TRAPPC8: variants seen among roughly 807,000 people sequenced by gnomAD.
TRAPPC8 encodes trafficking protein particle complex subunit 8, also known as general sporulation gene 1 homolog.
Under a neutral mutation model 174.3 loss-of-function variants are expected in TRAPPC8, and 54 were observed. The ratio of observed to expected loss-of-function variants is 0.31; its 90% CI spans 0.25 to 0.39. TRAPPC8 has a LOEUF of 0.39. Ranked by LOEUF, TRAPPC8 falls within the 10% of genes least tolerant of loss-of-function variation. The pLI is 1.00. For synonymous variants in TRAPPC8, 630 were observed against 579.9 expected, an observed-to-expected ratio of 1.09 and a Z score of -1.24; for missense variants, 1,531 against 1,699.1, an observed-to-expected ratio of 0.90 and a Z score of 1.74.
chr18:31,858,673 A>G (rs1322684359), intron 19 of TRAPPC8, among the ~76,000 whole-genome samples: 1 of 152,248 alleles, frequency 6.6e-6, no homozygotes, highest in Non-Finnish European at 1.5e-5. Context: ...AAAATTTTTA[A>G]ATTGATTTCC....
chr18:31,840,912 A>C (rs895526573), intron 26 of TRAPPC8, among the ~76,000 whole-genome samples: 7 of 142,158 alleles, frequency 4.9e-5, no homozygotes, highest in Non-Finnish European at 7.7e-5. Flanking sequence ...GGCTACTGGT[A>C]AAAAAAAAAA....
At chr18:31,934,343 T>C (rs1346318578) in intron 1 of TRAPPC8, among the ~76,000 whole-genome samples, 1 of 151,992 alleles carries the variant, frequency 6.6e-6, no homozygotes, top group Non-Finnish European at 1.5e-5. Context: ...AAAGCAAATA[T>C]GATGGAGGGT....
intron 26 of TRAPPC8, among the ~76,000 whole-genome samples, chr18:31,845,569 G>A (rs572606665): frequency 6.6e-6 from 1 of 151,826 alleles, no homozygotes; most frequent in Admixed American, 6.6e-5. Flanking sequence ...TTACTTGGGA[G>A]TAATTAAGAA....
At chr18:31,846,841 C>T (rs773621366) in intron 25 of TRAPPC8, 24 bp from the exon 26 acceptor site, 6 of 1,577,252 alleles carry the variant, frequency 3.8e-6, no homozygotes, top group Admixed American at 1.7e-5. Flanking sequence ...AGTACAAAAA[C>T]GTTACCGTGC....
intron 2 of TRAPPC8, among the ~76,000 whole-genome samples, chr18:31,922,854 C>CA (rs929652754): frequency 1.6e-4 from 24 of 152,008 alleles, no homozygotes; most frequent in African/African-American, 5.8e-4. Context: ...CTCATCTCTA[C>CA]AAAAAATGCA....
At chr18:31,920,131 A>G (rs1463828366) in intron 2 of TRAPPC8, among the ~76,000 whole-genome samples, 2 of 152,224 alleles carry the variant, frequency 1.3e-5, no homozygotes, top group Non-Finnish European at 2.9e-5. Context: ...CTCCACATAT[A>G]CAAGGAAATT....
intron 1 of TRAPPC8, 151 bp downstream of exon 1, chr18:31,942,457 C>T (rs1275159915): frequency 9.5e-7 from 1 of 1,051,522 alleles, no homozygotes; most frequent in Non-Finnish European, 1.3e-6. Flanking sequence ...CCTCCAGCCG[C>T]CCCCGGAGCA....
At position 31,908,755 on chromosome 18, in the gene TRAPPC8, T is replaced by C. The variant is rs745322989; in HGVS notation, c.1121A>G (p.Gln374Arg). Reference protein sequence around the residue: ...IEKTIRQLNDQLISRKGLSRS... With the variant: ...IEKTIRQLNDRLISRKGLSRS... ...CTAATCCAAAAAATCAAACCTTACC[T>C]GATCGTTTAATTGCCTAATTGTTTT... The change falls in exon 7 of 29, where the codon CAG becomes CGG. Residue 374 changes from glutamine (Q) to arginine (R), a missense_variant and splice_region_variant. By Grantham distance (43) the Gln-to-Arg change is conservative. Transcript: ENST00000283351. 2 of 1,587,674 alleles carry C rather than the reference T, an allele frequency of 1.3e-6. No individual in the cohort carries two copies. Among genetic ancestry groups the C allele is most frequent in the East Asian group, 4.5e-5 (2 of 44,290 alleles).
chr18:31,873,746 C>A, intron 13 of TRAPPC8: 1 of 437,714 alleles, frequency 2.3e-6, no homozygotes, highest in Non-Finnish European at 4.1e-6. Flanking sequence ...AAGAATCTTA[C>A]TGAGGTTACT....
chr18:31,937,014 C>G (rs1485167402), intron 1 of TRAPPC8, among the ~76,000 whole-genome samples: 1 of 151,242 alleles, frequency 6.6e-6, no homozygotes, highest in Non-Finnish European at 1.5e-5. Context: ...AGATCAAGAC[C>G]ATCCTGGCTA....
chr18:31,873,634 G>T, intron 13 of TRAPPC8, 96 bp from the exon 14 acceptor site: 3 of 789,442 alleles, frequency 3.8e-6, no homozygotes, highest in Non-Finnish European at 6.1e-6. Context: ...TTAAAAATAT[G>T]TTAAGCAAGA....
intron 20 of TRAPPC8, 26 bp from the exon 21 acceptor site, chr18:31,855,833 C>G (rs754010415): frequency 6.1e-6 from 8 of 1,305,862 alleles, no homozygotes; most frequent in African/African-American, 1.9e-5. Flanking sequence ...AAAAAAAAAG[C>G]ACATTTAAGC....
In TRAPPC8 at chr18:31,942,817, T is replaced by C; in HGVS notation, c.-53A>G. ...CGCCCTCCGGCCCACCCTGCGAGGT[T>C]ATCCTGCGGCTGCAGCAGCTACCGC... On this transcript the variant is annotated 5_prime_UTR_variant, in exon 1 of 29. The change creates a new upstream start codon in the 5' untranslated region. Transcript: ENST00000283351. 1.5e-6 allele frequency: 2 copies of C among 1,293,478 alleles called. No homozygotes were observed. The highest frequency in any genetic ancestry group is 2.0e-6 in the Non-Finnish European group (2 of 1,016,162). 80.1% of individuals were successfully genotyped at this position (1,293,478 alleles called of 1,614,324 possible). A position where few individuals can be genotyped will look rare whatever the true frequency, so the allele number is the denominator to read the frequency against.
At chr18:31,925,911 C>T (rs1376473424) in intron 2 of TRAPPC8, among the ~76,000 whole-genome samples, 2 of 152,100 alleles carry the variant, frequency 1.3e-5, no homozygotes, top group Middle Eastern at 3.2e-3. Context: ...AACATTCATT[C>T]CTCAAAAATT....
At chr18:31,880,090 A>AAAAAAAAAATAT (rs1259899654) in intron 12 of TRAPPC8, among the ~76,000 whole-genome samples, 24 of 85,352 alleles carry the variant, frequency 2.8e-4, no homozygotes, top group African/African-American at 1.2e-3. Context: ...TGAAAAAAAA[A>AAAAAAAAAATAT]ATATATATAT....
At position 31,874,658 on chromosome 18, in the gene TRAPPC8, T is replaced by C; in HGVS notation, c.1775A>G (p.Lys592Arg). ...CTCTGCAAGAGACCAGCCTTTTCCT[T>C]TGTAAACTTGCATGGCTTGACAATA... ...RCYCQAMQVY[K>R]GKGWSLAEDH... The change falls in exon 13 of 29, where the codon AAA (lysine) becomes AGA (arginine). Residue 592 changes from lysine (K) to arginine (R), a missense_variant. Transcript: ENST00000283351. The C allele has an allele frequency of 6.2e-7, 1 of 1,614,086 alleles. No individual in the cohort carries two copies. Among genetic ancestry groups the C allele is most frequent in the Non-Finnish European group, 8.5e-7 (1 of 1,180,000 alleles).
intron 4 of TRAPPC8, among the ~76,000 whole-genome samples, chr18:31,915,958 G>C (rs1320213768): frequency 6.7e-6 from 1 of 149,642 alleles, no homozygotes; most frequent in East Asian, 2.0e-4. Flanking sequence ...TCAGGAGGCT[G>C]AGGCAGGAGA....
intron 27 of TRAPPC8, among the ~76,000 whole-genome samples, chr18:31,832,881 AAGAT>A (rs887625306): frequency 6.6e-6 from 1 of 152,230 alleles, no homozygotes; most frequent in African/African-American, 2.4e-5. Context: ...TATAAACACA[AAGAT>A]AGTAAAGAAG....
At chr18:31,890,908 T>C in intron 11 of TRAPPC8, 42 bp from the exon 12 acceptor site, 1 of 1,558,802 alleles carries the variant, frequency 6.4e-7, no homozygotes, top group African/African-American at 1.4e-5. Flanking sequence ...TTTCACCAAG[T>C]TAAAAGTAAA....
Sources: allele counts gnomAD v4.1 joint callset (sites outside exome capture counted in the v4.1 genomes callset), GRCh38; gene constraint gnomAD v4.1.1; transcripts MANE v1.5; gene names NCBI Gene and HGNC (gene_info 2026-07-23, HGNC 2026-07-21).